Variants in ACTN1 observed in about 807,000 individuals in gnomAD.
ACTN1 encodes alpha-actinin-1.
Under a neutral mutation model 119.6 loss-of-function variants are expected in ACTN1, and 30 were observed. The ratio of observed to expected loss-of-function variants is 0.25; its 90% CI spans 0.19 to 0.34. The LOEUF (loss-of-function observed/expected upper bound fraction) is 0.34, where lower values mean the gene tolerates loss of function less well. Ranked by LOEUF, ACTN1 falls within the 10% of genes least tolerant of loss-of-function variation. The pLI is 1.00. For missense variants in ACTN1, 764 were observed against 1,223.4 expected, an observed-to-expected ratio of 0.62 and a Z score of 5.60; for synonymous variants, 429 against 472.6, an observed-to-expected ratio of 0.91 and a Z score of 1.20.
intron 1 of ACTN1, among the ~76,000 whole-genome samples, chr14:68,955,081 C>T (rs964828588): frequency 2.0e-5 from 3 of 152,216 alleles, no homozygotes; most frequent in Admixed American, 6.5e-5. Flanking sequence ...CATCATCAGC[C>T]TCCCTCTATT....
Position 68,979,290 on chromosome 14 carries a change from C to G in ACTN1, c.-234G>C, listed in dbSNP as rs879035253. ...CTCTGGGCGGGCGCTTGGACCTAAT[C>G]TCCACGCACACTGAACTAGGCGGAC... On this transcript the variant is annotated 5_prime_UTR_variant, in exon 1 of 22. Transcript: ENST00000394419. 2.8e-6 allele frequency: 1 copy of G among 354,478 alleles called. No homozygotes were observed. Among genetic ancestry groups the G allele is most frequent in the African/African-American group, 2.2e-5 (1 of 45,722 alleles). 22.0% of individuals were successfully genotyped at this position (354,478 alleles called of 1,614,324 possible).
At chr14:68,908,451 C>G (rs930617200) in intron 6 of ACTN1, among the ~76,000 whole-genome samples, 3 of 152,204 alleles carry the variant, frequency 2.0e-5, no homozygotes, top group African/African-American at 4.8e-5. Flanking sequence ...TAGAGACACA[C>G]AAGTCCAGCC....
At chr14:68,911,393 T>G (rs1207348485) in intron 4 of ACTN1, among the ~76,000 whole-genome samples, 4 of 152,296 alleles carry the variant, frequency 2.6e-5, no homozygotes, top group Admixed American at 2.6e-4. Context: ...TTCCAACCAC[T>G]TCAACCCTAA....
intron 7 of ACTN1, among the ~76,000 whole-genome samples, chr14:68,903,498 C>T (rs2033473323): frequency 6.7e-6 from 1 of 149,644 alleles, no homozygotes; most frequent in African/African-American, 2.5e-5. Context: ...GATCGCACCA[C>T]AGCACTCCAG....
At chr14:68,919,736 T>C (rs1243357463) in intron 3 of ACTN1, among the ~76,000 whole-genome samples, 2 of 152,184 alleles carry the variant, frequency 1.3e-5, no homozygotes, top group Admixed American at 6.5e-5. Flanking sequence ...ACTTTTTCTG[T>C]AGAGGGCCTG....
chr14:68,975,165 G>C (rs2037019429), intron 1 of ACTN1, among the ~76,000 whole-genome samples: 1 of 152,204 alleles, frequency 6.6e-6, no homozygotes. Context: ...CTGTGACCTA[G>C]CCTCACCTGT....
At chr14:68,953,797 GA>G (rs1418185925) in intron 1 of ACTN1, among the ~76,000 whole-genome samples, 1 of 150,978 alleles carries the variant, frequency 6.6e-6, no homozygotes, top group Non-Finnish European at 1.5e-5. Flanking sequence ...TGAGGCAGAA[GA>G]ATCACCTAAA....
chr14:68,929,029 G>C (rs1238302268), intron 1 of ACTN1, among the ~76,000 whole-genome samples: 2 of 151,748 alleles, frequency 1.3e-5, no homozygotes, highest in African/African-American at 4.8e-5. Context: ...GGCTGGAACT[G>C]TGGCGGGTTC....
chr14:68,890,284 G>A lies in ACTN1; in HGVS notation c.1089C>T (p.Asp363=). The change falls in exon 11 of 22, where the codon GAC becomes GAT. Residue 363 remains aspartate (D), a splice_region_variant and synonymous_variant. Coordinates refer to ENST00000394419, the MANE Select transcript of ACTN1 (RefSeq NM_001130004.2). ...FMPSEGRMVS[D]INNAWGCLEQ... is the part of the protein sequence containing the mutation. ...CCAGGCAGCCCCAGGCATTGTTGATGTCCTGTGGGGATGGGAGGTACAGGG... is the reference window on the plus strand; with the variant it reads ...CCAGGCAGCCCCAGGCATTGTTGATATCCTGTGGGGATGGGAGGTACAGGG... 1 of 1,614,148 alleles carries A rather than the reference G, an allele frequency of 6.2e-7. No individual in the cohort carries two copies. The highest frequency in any genetic ancestry group is 8.5e-7 in the Non-Finnish European group (1 of 1,180,008).
In ACTN1 at chr14:68,885,325, C is replaced by T. The variant is rs2031903484; in HGVS notation, c.1385+100G>A. On this transcript the variant is annotated intron_variant, in intron 12 of 21. Transcript: ENST00000394419. This position sits in a 1 kb window ranked among gnomAD's most constrained non-coding sequence, Gnocchi z 5.6. ...CACCTGGGCACCCACCTGTACCCAC[C>T]CTCCCCATCTTCCACGGCCACACCC... 7.0e-7 allele frequency: 1 copy of T among 1,419,660 alleles called. No individual in the cohort carries two copies. Among genetic ancestry groups the T allele is most frequent in the Non-Finnish European group, 9.3e-7 (1 of 1,070,152 alleles). 87.9% of individuals were successfully genotyped at this position (1,419,660 alleles called of 1,614,324 possible).
chr14:68,879,130 G>C lies in ACTN1; in HGVS notation c.2281-61C>G, dbSNP rs1355232802. Reference sequence around the variant, plus strand: ...GTGTCAGGGAGGTGGAGCCGTGAGGGGGGCATGCCCCGGGGGAGGGTGGCG... The same window carrying C: ...GTGTCAGGGAGGTGGAGCCGTGAGGCGGGCATGCCCCGGGGGAGGGTGGCG... On this transcript the variant is annotated intron_variant, in intron 18 of 21. Coordinates refer to ENST00000394419, the MANE Select transcript of ACTN1 (RefSeq NM_001130004.2). This position sits in a 1 kb window ranked among gnomAD's most constrained non-coding sequence, Gnocchi z 4.9. 6.5e-7 allele frequency: 1 copy of C among 1,537,158 alleles called. No homozygotes were observed. Among genetic ancestry groups the C allele is most frequent in the East Asian group, 2.3e-5 (1 of 43,570 alleles).
Position 68,882,424 on chromosome 14 carries a change from G to GGA in ACTN1, c.1953+33_1953+34insTC. ...GGATAGTGTCGGGGGGGAGGGGTGG[G>GGA]AGCCCCAGCACTGCTTCCCAGCATG... On this transcript the variant is annotated intron_variant, in intron 16 of 21. Transcript: ENST00000394419. This position sits in a 1 kb window ranked among gnomAD's most constrained non-coding sequence, Gnocchi z 4.5. 9.2e-7 allele frequency: 1 copy of GGA among 1,081,810 alleles called. No individual in the cohort carries two copies. The highest frequency in any genetic ancestry group is 1.4e-6 in the Non-Finnish European group (1 of 734,418). 67.0% of individuals were successfully genotyped at this position (1,081,810 alleles called of 1,614,324 possible).
rs375707943 is a variant in ACTN1 at position 68,904,616 on chromosome 14, G to A, written c.676+39C>T. 2.6e-4 allele frequency: 410 copies of A among 1,589,790 alleles called. 3 individuals are homozygous for A. In the African/African-American group the frequency reaches 5.0e-3, roughly 19 times the overall value. ...CTTCTTAGCCGCTGAGTGGCAGGTG[G>A]GCGATGGGCAAGAGACACAGAAGGA... On this transcript the variant is annotated intron_variant, in intron 7 of 21. Transcript: ENST00000394419.
intron 1 of ACTN1, among the ~76,000 whole-genome samples, chr14:68,975,835 C>T (rs111686585): frequency 6.6e-5 from 10 of 152,208 alleles, no homozygotes; most frequent in African/African-American, 2.4e-4. Context: ...GGACAAGCCT[C>T]GGCCAAGCCA....
chr14:68,931,817 A>G (rs1454831005), intron 1 of ACTN1, among the ~76,000 whole-genome samples: 1 of 152,182 alleles, frequency 6.6e-6, no homozygotes, highest in East Asian at 1.9e-4. Context: ...ATTAGAGTTC[A>G]ACATAATAAA....
chr14:68,958,544 T>C (rs1280636963), intron 1 of ACTN1, among the ~76,000 whole-genome samples: 1 of 151,324 alleles, frequency 6.6e-6, no homozygotes, highest in Non-Finnish European at 1.5e-5. Context: ...GGTGGCACAT[T>C]AAGCTGGTCA....
chr14:68,947,072 G>C (rs750078158), intron 1 of ACTN1, among the ~76,000 whole-genome samples: 1 of 152,194 alleles, frequency 6.6e-6, no homozygotes, highest in South Asian at 2.1e-4. Context: ...TGAGGGAAAC[G>C]GCATTTCCCA....
At chr14:68,891,686 T>C (rs1268304605) in intron 10 of ACTN1, among the ~76,000 whole-genome samples, 1 of 152,200 alleles carries the variant, frequency 6.6e-6, no homozygotes, top group Non-Finnish European at 1.5e-5. Context: ...CTACTTAAGA[T>C]TCCATGGAAG....
intron 1 of ACTN1, among the ~76,000 whole-genome samples, chr14:68,930,010 A>G (rs1276987985): frequency 6.6e-6 from 1 of 152,254 alleles, no homozygotes; most frequent in Non-Finnish European, 1.5e-5. Context: ...CCTTCTGTAC[A>G]GGTCTCATAG....
Sources: gnomAD v4.1 joint callset for allele counts (sites outside exome capture counted in the v4.1 genomes callset) on GRCh38, gnomAD v4.1.1 for gene constraint, Gnocchi (gnomAD v3.1) non-coding constraint, MANE v1.5 for transcripts, NCBI Gene and HGNC (gene_info 2026-07-23, HGNC 2026-07-21) for gene names.